CCDC149: variants seen among roughly 807,000 people sequenced by gnomAD.
CCDC149 encodes the protein coiled-coil domain containing 149, also known as coiled-coil domain-containing protein 149.
A neutral mutation model predicts 59.9 loss-of-function variants in CCDC149; 45 were observed. The observed-to-expected ratio is 0.75, with a 90% CI of 0.59 to 0.96. The LOEUF (loss-of-function observed/expected upper bound fraction) is 0.96, where lower values mean the gene tolerates loss of function less well. Ranked by LOEUF, CCDC149 falls within the 40% of genes least tolerant of loss-of-function variation. The pLI is 0.00. For missense variants in CCDC149, 584 were observed against 664.7 expected (o/e 0.88, Z 1.33); for synonymous variants, 245 against 260.6 (o/e 0.94, Z 0.58).
chr4:24,914,807 C>G (rs1361165770), upstream of CCDC149, among the ~76,000 whole-genome samples: 3 of 152,228 alleles, frequency 2.0e-5, no homozygotes, highest in East Asian at 5.8e-4. Context: ...GGCTTGAACT[C>G]TCCCTGGCAG....
chr4:24,808,348 T>C lies in CCDC149; in HGVS notation c.*41A>G, dbSNP rs1214062420. On this transcript the variant is annotated 3_prime_UTR_variant, in exon 13 of 13. Transcript: ENST00000635206. The stretch of plus-strand genomic sequence containing the variant: ...CCGATGCTTCATTCTTGACCCTCTC[T>C]GGGGCTTTCAATGTGTCATTGTGTC... 22 of 1,432,390 alleles carry C rather than the reference T, an allele frequency of 1.5e-5. No individual in the cohort carries two copies. Among genetic ancestry groups the C allele is most frequent in the Non-Finnish European group, 1.9e-5 (21 of 1,088,988 alleles). 88.7% of individuals were successfully genotyped at this position (1,432,390 alleles called of 1,614,324 possible). A position where few individuals can be genotyped will look rare whatever the true frequency, so the allele number is the denominator to read the frequency against.
chr4:24,845,047 G>T (rs1010146214), intron 4 of CCDC149, among the ~76,000 whole-genome samples: 2 of 152,228 alleles, frequency 1.3e-5, no homozygotes, highest in African/African-American at 2.4e-5. Flanking sequence ...GAGCCCGGCA[G>T]TTCAGGGCTC....
chr4:24,911,883 G>A (rs1577479988), intron 1 of CCDC149, among the ~76,000 whole-genome samples: 1 of 152,200 alleles, frequency 6.6e-6, no homozygotes, highest in African/African-American at 2.4e-5. Flanking sequence ...TCTGCATTGT[G>A]TGCACAGGAT....
intron 1 of CCDC149, among the ~76,000 whole-genome samples, chr4:24,892,780 G>C (rs1411798419): frequency 6.6e-6 from 1 of 152,172 alleles, no homozygotes; most frequent in Non-Finnish European, 1.5e-5. Flanking sequence ...GAGGGGCACT[G>C]TCTTTGTCCA....
chr4:24,964,570 A>C (rs1723742043), intron 1 of CCDC149, among the ~76,000 whole-genome samples: 1 of 152,220 alleles, frequency 6.6e-6, no homozygotes, highest in Non-Finnish European at 1.5e-5. Context: ...CCCTAAAGCA[A>C]TATTGACCTG....
At chr4:24,876,346 G>C (rs533448092) in intron 2 of CCDC149, among the ~76,000 whole-genome samples, 190 bp downstream of exon 2, 4 of 151,464 alleles carry the variant, frequency 2.6e-5, no homozygotes, top group South Asian at 4.2e-4. Context: ...CACACAGAGA[G>C]AGAGAGAGAG....
intron 12 of CCDC149, among the ~76,000 whole-genome samples, chr4:24,815,557 A>G (rs1385605599): frequency 6.6e-6 from 1 of 152,174 alleles, no homozygotes; most frequent in Non-Finnish European, 1.5e-5. Context: ...AGGACACTTA[A>G]TAGTATATTC....
At chr4:24,867,960 C>G (rs766995001) in intron 3 of CCDC149, among the ~76,000 whole-genome samples, 43 of 152,214 alleles carry the variant, frequency 2.8e-4, no homozygotes, top group Non-Finnish European at 4.3e-4. Context: ...CATCTCGTGA[C>G]CTCTGGTCAC....
intron 12 of CCDC149, among the ~76,000 whole-genome samples, chr4:24,810,074 A>G (rs1048019685): frequency 6.6e-6 from 1 of 152,138 alleles, no homozygotes; most frequent in Non-Finnish European, 1.5e-5. Flanking sequence ...CCTCCCAGCC[A>G]TGTCACGCAC....
chr4:24,834,873 C>A, intron 8 of CCDC149, 75 bp downstream of exon 8: 2 of 1,102,770 alleles, frequency 1.8e-6, no homozygotes, highest in Non-Finnish European at 2.7e-6. Context: ...AAAGCAGCAG[C>A]CTGGATGGGA....
At chr4:24,871,776 T>C (rs1336320340) in intron 3 of CCDC149, among the ~76,000 whole-genome samples, 1 of 152,228 alleles carries the variant, frequency 6.6e-6, no homozygotes, top group African/African-American at 2.4e-5. Context: ...CCAATGTTTA[T>C]GTCATTGAAC....
chr4:24,803,927 C>T (rs1357329522), downstream of CCDC149, among the ~76,000 whole-genome samples: 4 of 152,124 alleles, frequency 2.6e-5, no homozygotes, highest in Admixed American at 6.5e-5. This position sits in a 1 kb window ranked among gnomAD's most constrained non-coding sequence, Gnocchi z 4.3. Context: ...TATTGAGAGA[C>T]GGGTCTTTCC....
At chr4:24,855,560 G>A (rs1399528313) in intron 3 of CCDC149, among the ~76,000 whole-genome samples, 1 of 110,420 alleles carries the variant, frequency 9.1e-6, no homozygotes, top group Non-Finnish European at 1.8e-5. Flanking sequence ...GGGCAACAAA[G>A]AGAGACTCTG....
At chr4:24,874,218 T>G (rs181929100) in intron 2 of CCDC149, among the ~76,000 whole-genome samples, 1 of 148,272 alleles carries the variant, frequency 6.7e-6, no homozygotes, top group Non-Finnish European at 1.5e-5. Context: ...AAGAAGACAT[T>G]GAGAACTTCT....
chr4:24,948,470 C>G (rs900020595), intron 1 of CCDC149, among the ~76,000 whole-genome samples: 1 of 152,208 alleles, frequency 6.6e-6, no homozygotes, highest in Non-Finnish European at 1.5e-5. Flanking sequence ...AGCATTCTCA[C>G]CCTGCTCTTG....
At chr4:24,936,647 C>T (rs1722788930) in intron 1 of CCDC149, among the ~76,000 whole-genome samples, 1 of 152,104 alleles carries the variant, frequency 6.6e-6, no homozygotes, top group Non-Finnish European at 1.5e-5. Context: ...TAACAGGACA[C>T]CAAAATGTGT....
At chr4:24,961,737 TG>T (rs1251757749) in intron 1 of CCDC149, among the ~76,000 whole-genome samples, 11 of 152,188 alleles carry the variant, frequency 7.2e-5, no homozygotes, top group Non-Finnish European at 7.4e-5. Context: ...TATATGGTGC[TG>T]GGAAAACTGG....
intron 2 of CCDC149, among the ~76,000 whole-genome samples, chr4:24,874,259 T>G (rs1485238658): frequency 1.5e-3 from 128 of 86,106 alleles, no homozygotes; most frequent in African/African-American, 4.9e-3. Flanking sequence ...TTTTTTTTTT[T>G]GTTTTGTTTT....
chr4:24,963,913 GCA>G (rs1560271248), intron 1 of CCDC149, among the ~76,000 whole-genome samples: 1 of 152,164 alleles, frequency 6.6e-6, no homozygotes, highest in Non-Finnish European at 1.5e-5. Flanking sequence ...TATAATCCTA[GCA>G]CTTTGGGAGG....
Sources: allele counts gnomAD v4.1 joint callset (sites outside exome capture counted in the v4.1 genomes callset), GRCh38; gene constraint gnomAD v4.1.1; non-coding constraint Gnocchi (gnomAD v3.1); transcripts MANE v1.5; gene names NCBI Gene and HGNC (gene_info 2026-07-23, HGNC 2026-07-21).